Variants in PARP15 observed in about 807,000 individuals in gnomAD.
The protein encoded by PARP15 is protein mono-ADP-ribosyltransferase PARP15.
A neutral mutation model predicts 62.1 loss-of-function variants in PARP15; 50 were observed. The observed-to-expected ratio is 0.81, with a 90% CI of 0.64 to 1.02. The LOEUF is 1.02. Among genes scored for constraint, PARP15 ranks in the 50% least tolerant of loss-of-function variants. The probability of loss-of-function intolerance (pLI) is 0.00; values close to 1 mark genes in which losing one functional copy is unlikely to be tolerated. For synonymous variants in PARP15, 309 were observed against 293.1 expected, an observed-to-expected ratio of 1.05 and a Z score of -0.55; for missense variants, 820 against 826.5, an observed-to-expected ratio of 0.99 and a Z score of 0.10.
intron 10 of PARP15, among the ~76,000 whole-genome samples, chr3:122,632,674 C>T (rs1305723731): frequency 6.6e-6 from 1 of 152,212 alleles, no homozygotes; most frequent in African/African-American, 2.4e-5. Flanking sequence ...TCTGTTTTCT[C>T]ATTCACAACC....
At chr3:122,582,717 AT>A (rs375945270) in intron 1 of PARP15, among the ~76,000 whole-genome samples, 1 of 151,662 alleles carries the variant, frequency 6.6e-6, no homozygotes, top group East Asian at 1.9e-4. Context: ...TCAAATTTGA[AT>A]TTTTTTGGCT....
chr3:122,589,982 T>C (rs1359865546), intron 1 of PARP15, among the ~76,000 whole-genome samples: 1 of 148,816 alleles, frequency 6.7e-6, no homozygotes, highest in Non-Finnish European at 1.5e-5. Context: ...GTGTCCTGGG[T>C]TCATGCCATT....
chr3:122,612,923 G>GC (rs1935676772), intron 3 of PARP15, 118 bp from the exon 4 acceptor site: 1 of 844,174 alleles, frequency 1.2e-6, no homozygotes, highest in East Asian at 2.7e-5. Context: ...GACTTCTCAG[G>GC]CCCTGACTAA....
At chr3:122,607,536 AT>A (rs1268701484) in intron 2 of PARP15, among the ~76,000 whole-genome samples, 1 of 152,248 alleles carries the variant, frequency 6.6e-6, no homozygotes, top group African/African-American at 2.4e-5. Flanking sequence ...ACTCAAAAAA[AT>A]GATAGCTATT....
intron 1 of PARP15, among the ~76,000 whole-genome samples, chr3:122,587,082 G>A (rs1559925227): frequency 6.6e-6 from 1 of 151,306 alleles, no homozygotes; most frequent in Non-Finnish European, 1.5e-5. Context: ...TTAGTAATAT[G>A]CCTTAAGTTT....
At chr3:122,592,716 T>G (rs1559932838) in intron 1 of PARP15, among the ~76,000 whole-genome samples, 1 of 152,194 alleles carries the variant, frequency 6.6e-6, no homozygotes, top group Non-Finnish European at 1.5e-5. Context: ...TTAACTCTTT[T>G]AATCTTCTTA....
At chr3:122,634,168 T>C (rs1465848042) in intron 10 of PARP15, among the ~76,000 whole-genome samples, 1 of 152,204 alleles carries the variant, frequency 6.6e-6, no homozygotes, top group Non-Finnish European at 1.5e-5. Context: ...TTCCAGAACA[T>C]CATCCTCTCA....
intron 1 of PARP15, among the ~76,000 whole-genome samples, chr3:122,584,659 C>A (rs6775697): frequency 0.061 from 9,011 of 148,822 alleles, 884 homozygotes; most frequent in African/African-American, 0.21. Flanking sequence ...CTCACTACAA[C>A]CTCCACACCC....
chr3:122,626,805 T>A lies in PARP15; in HGVS notation c.1232-22T>A, dbSNP rs564445015. ...TTAGCAACATCGGGGGAAACTTCTTTGTCATTAAATTTTTTTTTCAGGAAA... is the reference window on the plus strand; with the variant it reads ...TTAGCAACATCGGGGGAAACTTCTTAGTCATTAAATTTTTTTTTCAGGAAA... On this transcript the variant is annotated intron_variant, in intron 8 of 11. Transcript: ENST00000464300. The A allele has an allele frequency of 3.2e-5, 51 of 1,602,820 alleles. No homozygotes were observed. The African/African-American group carries it at 6.7e-4, about 21-fold the overall frequency.
At chr3:122,596,205 A>C (rs1227983299) in intron 1 of PARP15, among the ~76,000 whole-genome samples, 1 of 151,884 alleles carries the variant, frequency 6.6e-6, no homozygotes, top group Non-Finnish European at 1.5e-5. Context: ...AAAATACAAA[A>C]ATTAGCTGGC....
rs138788273 is a variant in PARP15 at position 122,629,221 on chromosome 3, G to T, written c.1438+2188G>T. Among the ~76,000 whole-genome samples the T allele has an allele frequency of 7.8e-4, 119 of 152,212 alleles. No homozygotes were observed. In the East Asian group the frequency reaches 0.021, roughly 27 times the overall value. ...TATGTTGCCCAGGCTGGAGTGCAGT[G>T]GTGCAATCTTGGCTCACTGCAACCG... On this transcript the variant is annotated intron_variant, in intron 9 of 11. Transcript: ENST00000464300.
chr3:122,600,274 G>T (rs1934688233), intron 1 of PARP15, among the ~76,000 whole-genome samples: 1 of 152,034 alleles, frequency 6.6e-6, no homozygotes, highest in South Asian at 2.1e-4. Context: ...AGGCAAAAGA[G>T]TTCACTTAGA....
intron 1 of PARP15, among the ~76,000 whole-genome samples, chr3:122,597,802 AC>A (rs1486349458): frequency 1.3e-5 from 2 of 152,104 alleles, no homozygotes; most frequent in Admixed American, 6.6e-5. Context: ...AGATTCTTGG[AC>A]CCCAAGCAAT....
intron 10 of PARP15, 149 bp downstream of exon 10, chr3:122,632,368 T>G (rs1937108855): frequency 2.6e-6 from 2 of 764,866 alleles, no homozygotes; most frequent in Non-Finnish European, 2.0e-6. Context: ...AGACTTCAAA[T>G]CTCATAGTTT....
Position 122,636,093 on chromosome 3 carries a change from C to A in PARP15, c.2030C>A (p.Thr677Lys). The change falls in exon 12 of 12, where the codon ACG becomes AAG. Residue 677 changes from threonine to lysine, a missense_variant. By Grantham distance (78) the Thr-to-Lys change is moderately conservative. Around this residue, in one of 3 missense-constraint regions of PARP15, gnomAD observed 84 missense variants for 79.7 expected, o/e 1.05. Transcript: ENST00000464300. Reference sequence around the variant, plus strand: ...TACCCAGAATATCTCATAACTTTCACGGCTTAAAAATATTTTTATCATCAA... The same window carrying A: ...TACCCAGAATATCTCATAACTTTCAAGGCTTAAAAATATTTTTATCATCAA... ...QAYPEYLITF[T>K]A 1 of 1,607,974 alleles carries A rather than the reference C, an allele frequency of 6.2e-7. No individual in the cohort carries two copies. Among genetic ancestry groups the A allele is most frequent in the Non-Finnish European group, 8.5e-7 (1 of 1,175,644 alleles).
intron 9 of PARP15, among the ~76,000 whole-genome samples, chr3:122,627,795 T>C (rs1254690213): frequency 1.3e-5 from 2 of 152,218 alleles, no homozygotes; most frequent in Admixed American, 6.5e-5. Context: ...TACATTTATT[T>C]CCTGACAAGC....
chr3:122,610,812 G>A (rs1341990761), intron 3 of PARP15, 82 bp downstream of exon 3: 1 of 1,283,534 alleles, frequency 7.8e-7, no homozygotes, highest in Admixed American at 3.1e-5. Context: ...GTGCTCAAGG[G>A]AAGCAATTTT....
chr3:122,613,366 G>C (rs773688907), intron 4 of PARP15, 98 bp downstream of exon 4: 9 of 1,037,158 alleles, frequency 8.7e-6, no homozygotes, highest in African/African-American at 3.2e-5. Flanking sequence ...TTCTAATCCT[G>C]TGCCTATAAG....
At chr3:122,612,992 T>C (rs1935683884) in intron 3 of PARP15, 49 bp from the exon 4 acceptor site, 3 of 1,467,408 alleles carry the variant, frequency 2.0e-6, no homozygotes, top group Non-Finnish European at 2.8e-6. Flanking sequence ...CTTTCTGTTT[T>C]CCGCTAGCTT....
Sources: allele counts gnomAD v4.1 joint callset (sites outside exome capture counted in the v4.1 genomes callset), GRCh38; gene constraint gnomAD v4.1.1; regional missense constraint gnomAD v4.1.1; transcripts MANE v1.5; gene names NCBI Gene and HGNC (gene_info 2026-07-23, HGNC 2026-07-21).